The following ADAMTS14 variants were observed in gnomAD, a reference collection of about 807,000 sequenced individuals.
ADAMTS14 encodes the protein A disintegrin and metalloproteinase with thrombospondin motifs 14.
Under a neutral mutation model 128.6 loss-of-function variants are expected in ADAMTS14, and 100 were observed. The observed-to-expected ratio is 0.78, with a 90% confidence interval of 0.66 to 0.92. The LOEUF (loss-of-function observed/expected upper bound fraction) is 0.92, where lower values mean the gene tolerates loss of function less well. Among genes scored for constraint, ADAMTS14 ranks in the 40% least tolerant of loss-of-function variants. The probability of loss-of-function intolerance (pLI) is 0.00; values close to 1 mark genes in which losing one functional copy is unlikely to be tolerated. For synonymous variants in ADAMTS14, 665 were observed against 653.8 expected (o/e 1.02, Z -0.26); for missense variants, 1,562 against 1,658.6 (o/e 0.94, Z 1.01).
In ADAMTS14 at chr10:70,751,502, C is replaced by T. The variant is rs775990166; in HGVS notation, c.2452C>T (p.Pro818Ser). Residue 818 changes from proline to serine, a missense_variant, in exon 17 of 22, where the codon CCC becomes TCC. Pro to Ser is a moderately conservative substitution (Grantham distance 74). Transcript: ENST00000373207. ...ILALPPTEGG[P>S]RSSLAYKYVI... ...GGCTCTCCCCCCAACTGAGGGTGGC[C>T]CCCGCAGCAGCCTGGCCTACAAGTA... 1.2e-5 allele frequency: 20 copies of T among 1,609,884 alleles called. No homozygotes were observed. The highest frequency in any genetic ancestry group is 4.5e-5 in the East Asian group (2 of 44,760).
rs551720854 is a variant in ADAMTS14 at position 70,690,635 on chromosome 10, C to G, written c.523-11677C>G. On this transcript the variant is annotated intron_variant, in intron 2 of 21. Coordinates refer to ENST00000373207, the MANE Select transcript of ADAMTS14 (RefSeq NM_080722.4). ...AAAACTAGTCAGCGACCCACTGGGC[C>G]AGGCTGCTGTAGGGCTCATTCGGAG... is the stretch of plus-strand genomic sequence containing the variant. Among the ~76,000 whole-genome samples the G allele has an allele frequency of 1.0e-4, 15 of 145,358 alleles. 1 individual carries two copies. Among genetic ancestry groups the G allele is most frequent in the African/African-American group, 3.7e-4 (15 of 41,090 alleles).
Position 70,741,077 on chromosome 10 carries a change from C to A in ADAMTS14, c.1839C>A (p.Phe613Leu). 6.2e-7 allele frequency: 1 copy of A among 1,614,002 alleles called. No individual in the cohort carries two copies. Among genetic ancestry groups the A allele is most frequent in the Non-Finnish European group, 8.5e-7 (1 of 1,179,974 alleles). The change falls in exon 12 of 22, where the codon TTC (phenylalanine) becomes TTA (leucine). Residue 613 changes from phenylalanine to leucine, a missense_variant. Physicochemically the swap from Phe to Leu is conservative, Grantham distance 22 (BLOSUM62 0). Coordinates refer to ENST00000373207, the MANE Select transcript of ADAMTS14 (RefSeq NM_080722.4). ...SEECPGTYED[F>L]RAQQCAKRNS... is the part of the protein sequence containing the mutation. ...AGTGCCCTGGGACCTACGAGGACTTCCGGGCCCAGCAGTGTGCCAAGCGCA... is the reference window on the plus strand; with the variant it reads ...AGTGCCCTGGGACCTACGAGGACTTACGGGCCCAGCAGTGTGCCAAGCGCA...
At chr10:70,706,312 C>T (rs1182322187) in intron 3 of ADAMTS14, among the ~76,000 whole-genome samples, 1 of 152,210 alleles carries the variant, frequency 6.6e-6, no homozygotes, top group East Asian at 1.9e-4. Flanking sequence ...TGCTGCGTGA[C>T]CTAGGGCGAG....
chr10:70,759,132 T>TTTTTTTTTTTTTTTTTTTTTGAGACGGAG (rs1554824327), intron 21 of ADAMTS14, among the ~76,000 whole-genome samples: 2 of 123,048 alleles, frequency 1.6e-5, no homozygotes, highest in Non-Finnish European at 3.5e-5. Flanking sequence ...AATCTTCTAC[T>TTTTTTTTTTTTTTTTTTTTTGAGACGGAG]TCTCTGCTCC....
chr10:70,735,439 G>C (rs1164284294), intron 9 of ADAMTS14, 138 bp downstream of exon 9: 1 of 1,288,104 alleles, frequency 7.8e-7, no homozygotes, highest in African/African-American at 1.5e-5. Flanking sequence ...CACAGTGCCA[G>C]CCACCATGCA....
At chr10:70,698,983 C>T (rs1479094614) in intron 2 of ADAMTS14, among the ~76,000 whole-genome samples, 1 of 152,118 alleles carries the variant, frequency 6.6e-6, no homozygotes, top group East Asian at 1.9e-4. Context: ...CCTCCCTTCT[C>T]ATATCCTTGG....
intron 7 of ADAMTS14, 67 bp from the exon 8 acceptor site, chr10:70,733,818 T>TGCCG: frequency 6.4e-7 from 1 of 1,553,906 alleles, no homozygotes; most frequent in Non-Finnish European, 8.7e-7. Flanking sequence ...CTGGCCTGCC[T>TGCCG]GCCTGCCTGC....
intron 3 of ADAMTS14, 21 bp from the exon 4 acceptor site, chr10:70,708,567 C>G (rs757440084): frequency 1.3e-6 from 2 of 1,586,618 alleles, no homozygotes; most frequent in Non-Finnish European, 1.7e-6. Flanking sequence ...GGACCTCACT[C>G]TCTTCCTGTC....
intron 2 of ADAMTS14, among the ~76,000 whole-genome samples, chr10:70,676,130 G>GT (rs199934836): frequency 2.3e-3 from 330 of 143,836 alleles, no homozygotes; most frequent in Middle Eastern, 3.5e-3. Context: ...CCACGATGAG[G>GT]TTTTTTTTTT....
chr10:70,715,722 T>C (rs12217929), intron 4 of ADAMTS14, among the ~76,000 whole-genome samples: 10,622 of 152,120 alleles, frequency 0.07, 884 homozygotes, highest in East Asian at 0.48. Flanking sequence ...TTTCTTTCTA[T>C]TGGGCAAAGT....
chr10:70,748,400 GGAGCT>G (rs1296608697), intron 15 of ADAMTS14, among the ~76,000 whole-genome samples: 1 of 152,238 alleles, frequency 6.6e-6, no homozygotes, highest in Non-Finnish European at 1.5e-5. Context: ...TAGACAGTCT[GGAGCT>G]GCTGGGGACT....
Position 70,760,724 on chromosome 10 carries a change from T to A in ADAMTS14, c.3543T>A (p.Pro1181=). Residue 1181 remains proline (P), a synonymous_variant, in exon 22 of 22, where the codon CCT becomes CCA. Transcript: ENST00000373207. ...CTGGAGCATCCTGGAGCATCTCCCC[T>A]ACCACCCCCGGGGGGCTGCCTTGGG... ...PIPGASWSIS[P]TTPGGLPWGW... The A allele has an allele frequency of 6.2e-7, 1 of 1,613,968 alleles. No homozygotes were observed. Among genetic ancestry groups the A allele is most frequent in the Non-Finnish European group, 8.5e-7 (1 of 1,179,962 alleles).
At chr10:70,684,336 C>T (rs1056811312) in intron 2 of ADAMTS14, among the ~76,000 whole-genome samples, 2 of 152,186 alleles carry the variant, frequency 1.3e-5, no homozygotes, top group African/African-American at 4.8e-5. Context: ...GGACACAGAT[C>T]CAAACCATAT....
intron 18 of ADAMTS14, among the ~76,000 whole-genome samples, chr10:70,752,810 G>A (rs1238162217): frequency 6.6e-6 from 1 of 152,198 alleles, no homozygotes; most frequent in Non-Finnish European, 1.5e-5. Context: ...GGCTGGGGGA[G>A]CCCCAGGGCT....
intron 3 of ADAMTS14, among the ~76,000 whole-genome samples, chr10:70,707,064 C>G (rs1270618341): frequency 6.6e-6 from 1 of 152,248 alleles, no homozygotes; most frequent in Non-Finnish European, 1.5e-5. Flanking sequence ...AGTGACCCCT[C>G]CTCTGGATGC....
At chr10:70,719,901 G>C (rs1441818176) in intron 4 of ADAMTS14, among the ~76,000 whole-genome samples, 2 of 152,224 alleles carry the variant, frequency 1.3e-5, no homozygotes, top group South Asian at 2.1e-4. Context: ...GGCAGAGCTC[G>C]ACCTTCACAG....
At chr10:70,706,007 C>T (rs1840653982) in intron 3 of ADAMTS14, among the ~76,000 whole-genome samples, 1 of 152,224 alleles carries the variant, frequency 6.6e-6, no homozygotes, top group Non-Finnish European at 1.5e-5. Context: ...ATTTTCAAAG[C>T]AGCTGCACCA....
intron 2 of ADAMTS14, among the ~76,000 whole-genome samples, chr10:70,680,375 A>T (rs12268224): frequency 0.25 from 37,419 of 152,140 alleles, 4,918 homozygotes; most frequent in Middle Eastern, 0.34. Context: ...ACTGCACTCC[A>T]GCCTAGGCAA....
intron 12 of ADAMTS14, among the ~76,000 whole-genome samples, chr10:70,743,085 T>A (rs1396264757): frequency 6.6e-6 from 1 of 152,226 alleles, no homozygotes. Context: ...CTTGAGCAAG[T>A]TCCTTAACCT....
Sources: gnomAD v4.1 joint callset for allele counts (sites outside exome capture counted in the v4.1 genomes callset) on GRCh38, gnomAD v4.1.1 for gene constraint, MANE v1.5 for transcripts, NCBI Gene and HGNC (gene_info 2026-07-23, HGNC 2026-07-21) for gene names.